Variants in IL7 observed in about 807,000 individuals in gnomAD.
IL7 encodes interleukin 7.
In IL7, 3 loss-of-function variants were observed where a neutral mutation model predicts 21.6. The ratio of observed to expected loss-of-function variants is 0.14; its 90% confidence interval spans 0.06 to 0.36. The LOEUF is 0.36. Among genes scored for constraint, IL7 ranks in the 10% least tolerant of loss-of-function variants. The pLI, the probability that IL7 is intolerant of heterozygous loss-of-function variation, is 1.00. For missense variants in IL7, 175 were observed against 200.2 expected (o/e 0.87, Z 0.76); for synonymous variants, 62 against 68.1 (o/e 0.91, Z 0.44).
intron 2 of IL7, among the ~76,000 whole-genome samples, chr8:78,750,071 G>C (rs1298354588): frequency 6.6e-6 from 1 of 151,976 alleles, no homozygotes; most frequent in East Asian, 1.9e-4. Flanking sequence ...TGAATAGTCT[G>C]TTCTCCTTTA....
chr8:78,804,969 G>C lies in IL7; in HGVS notation c.-47C>G. Reference sequence around the variant, plus strand: ...GTCATGATGACCGCAACTGGAGCAGGAGCAAGCTCTCACCGCCCATAGTCA... The same window carrying C: ...GTCATGATGACCGCAACTGGAGCAGCAGCAAGCTCTCACCGCCCATAGTCA... On this transcript the variant is annotated 5_prime_UTR_variant, in exon 1 of 6. Coordinates refer to ENST00000263851, the MANE Select transcript of IL7 (RefSeq NM_000880.4). The C allele has an allele frequency of 1.2e-6, 2 of 1,602,300 alleles. No individual in the cohort carries two copies. Among genetic ancestry groups the C allele is most frequent in the African/African-American group, 1.3e-5 (1 of 74,784 alleles).
At chr8:78,698,358 T>C in intron 3 of IL7, 2 of 1,383,666 alleles carry the variant, frequency 1.4e-6, no homozygotes, top group African/African-American at 2.9e-5. Context: ...TTAGATGCTC[T>C]GTTTTATGTA....
chr8:78,707,317 C>T (rs935033653), intron 3 of IL7, among the ~76,000 whole-genome samples: 5 of 152,126 alleles, frequency 3.3e-5, no homozygotes, highest in East Asian at 1.9e-4. Flanking sequence ...CTAGATAGGA[C>T]GTGTAAAGCT....
intron 5 of IL7, chr8:78,719,257 T>C (rs192425869): frequency 2.0e-5 from 3 of 151,888 alleles, no homozygotes; most frequent in South Asian, 2.1e-4. Context: ...CACATAATTC[T>C]TTTTGTCTGC....
At chr8:78,784,764 C>T (rs992296341) in intron 2 of IL7, among the ~76,000 whole-genome samples, 3 of 152,006 alleles carry the variant, frequency 2.0e-5, no homozygotes, top group African/African-American at 7.2e-5. Context: ...GAAGAGGCTA[C>T]TCTAATTCTA....
intron 2 of IL7, among the ~76,000 whole-genome samples, chr8:78,743,489 C>A (rs1321475439): frequency 1.3e-5 from 2 of 151,704 alleles, no homozygotes; most frequent in African/African-American, 2.4e-5. Context: ...CCTTTTCATT[C>A]TTTTTTCTCT....
At chr8:78,680,061 T>G (rs897374334) in intron 4 of IL7, among the ~76,000 whole-genome samples, 3 of 152,142 alleles carry the variant, frequency 2.0e-5, no homozygotes, top group African/African-American at 7.2e-5. Context: ...GCAAGTTATT[T>G]AATGTAATTA....
At chr8:78,778,097 T>C (rs956127071) in intron 2 of IL7, among the ~76,000 whole-genome samples, 1 of 152,092 alleles carries the variant, frequency 6.6e-6, no homozygotes, top group Non-Finnish European at 1.5e-5. Flanking sequence ...CATTATCCCA[T>C]TGCATTGCAA....
chr8:78,690,808 G>A (rs1459552558), intron 3 of IL7, among the ~76,000 whole-genome samples: 1 of 152,024 alleles, frequency 6.6e-6, no homozygotes, highest in Non-Finnish European at 1.5e-5. Flanking sequence ...TCATACACAT[G>A]TTTTGTTAGA....
At chr8:78,740,231 G>T in intron 2 of IL7, 149 bp from the exon 3 acceptor site, 1 of 382,734 alleles carries the variant, frequency 2.6e-6, no homozygotes. Flanking sequence ...GACTAAGCAT[G>T]AGGAATCATT....
chr8:78,757,139 T>A (rs528081829), intron 2 of IL7, among the ~76,000 whole-genome samples: 1 of 152,176 alleles, frequency 6.6e-6, no homozygotes, highest in East Asian at 1.9e-4. Context: ...ATTTTTTCAT[T>A]AATCTAATGA....
At chr8:78,765,831 C>T (rs1186545497) in intron 2 of IL7, among the ~76,000 whole-genome samples, 1 of 152,000 alleles carries the variant, frequency 6.6e-6, no homozygotes, top group Non-Finnish European at 1.5e-5. Context: ...TGCTATATAC[C>T]CAAAGAATTT....
chr8:78,716,027 G>A (rs1377029861), downstream of IL7, among the ~76,000 whole-genome samples: 3 of 136,980 alleles, frequency 2.2e-5, no homozygotes, highest in African/African-American at 8.1e-5. Context: ...GTGACAGAGC[G>A]AGACTCCATC....
In IL7 at chr8:78,739,877, A is replaced by G. The variant is rs1302500309; in HGVS notation, c.228+125T>C. The G allele has an allele frequency of 3.7e-6, 3 of 812,340 alleles. No homozygotes were observed. The East Asian group carries it at 1.1e-4, about 31-fold the overall frequency. 50.3% of individuals were successfully genotyped at this position (812,340 alleles called of 1,614,324 possible). A position where few individuals can be genotyped will look rare whatever the true frequency, so the allele number is the denominator to read the frequency against. On this transcript the variant is annotated intron_variant, in intron 3 of 5. Transcript: ENST00000263851. ...ATTGGGCCATAGTATGATTTAATCA[A>G]TGGGAATTATGTGATCAGGCTGCAA... is the stretch of plus-strand genomic sequence containing the variant.
chr8:78,715,147 C>A, downstream of IL7: 1 of 1,287,242 alleles, frequency 7.8e-7, no homozygotes, highest in South Asian at 1.4e-5. Flanking sequence ...TCTTTCTAGT[C>A]ATGTGAATAG....
At chr8:78,725,696 A>G (rs893038010) in intron 3 of IL7, among the ~76,000 whole-genome samples, 11 of 151,970 alleles carry the variant, frequency 7.2e-5, no homozygotes, top group Non-Finnish European at 1.6e-4. Flanking sequence ...TCCTTAACCC[A>G]ATCGTAGTGT....
At chr8:78,719,452 T>C (rs559340627) in intron 5 of IL7, 79 of 151,806 alleles carry the variant, frequency 5.2e-4, no homozygotes, top group Non-Finnish European at 8.4e-4. Context: ...TGTGACAATA[T>C]ATTTAAATGC....
intron 3 of IL7, among the ~76,000 whole-genome samples, chr8:78,696,198 C>T (rs1278153551): frequency 6.6e-6 from 1 of 152,008 alleles, no homozygotes; most frequent in Non-Finnish European, 1.5e-5. Flanking sequence ...CCACGCCCGG[C>T]TAATTTTTTG....
intron 4 of IL7, among the ~76,000 whole-genome samples, chr8:78,681,644 A>G (rs1159603307): frequency 6.6e-6 from 1 of 152,192 alleles, no homozygotes; most frequent in Admixed American, 6.5e-5. Flanking sequence ...TATGTCTACA[A>G]AAATTAAAAA....
Sources: allele counts gnomAD v4.1 joint callset (sites outside exome capture counted in the v4.1 genomes callset), GRCh38; gene constraint gnomAD v4.1.1; transcripts MANE v1.5; gene names NCBI Gene and HGNC (gene_info 2026-07-23, HGNC 2026-07-21).